The following MYLK3 variants were observed in gnomAD, a reference collection of about 807,000 sequenced individuals.
MYLK3 encodes the protein MLC kinase.
Under a neutral mutation model 76.3 loss-of-function variants are expected in MYLK3, and 55 were observed. That is an observed-to-expected ratio of 0.72 (90% CI 0.58 to 0.90). The LOEUF is 0.90. Ranked by LOEUF, MYLK3 falls within the 40% of genes least tolerant of loss-of-function variation. MYLK3 has a pLI of 0.00. For synonymous variants in MYLK3, 416 were observed against 425.4 expected, an observed-to-expected ratio of 0.98 and a Z score of 0.27; for missense variants, 973 against 1,053.6, an observed-to-expected ratio of 0.92 and a Z score of 1.06.
At chr16:46,713,230 C>G (rs1006794970) in intron 9 of MYLK3, among the ~76,000 whole-genome samples, 5 of 141,112 alleles carry the variant, frequency 3.5e-5, no homozygotes, top group Non-Finnish European at 7.6e-5. Flanking sequence ...CAGGGTCTCA[C>G]TCTGTCACCC....
chr16:46,734,622 C>T (rs572449620), intron 3 of MYLK3, among the ~76,000 whole-genome samples: 18 of 151,734 alleles, frequency 1.2e-4, no homozygotes, highest in African/African-American at 3.6e-4. Context: ...CTCCATCACA[C>T]ACACACACAC....
chr16:46,729,258 T>C, intron 6 of MYLK3, 125 bp from the exon 7 acceptor site: 1 of 744,406 alleles, frequency 1.3e-6, no homozygotes, highest in Non-Finnish European at 2.3e-6. Flanking sequence ...ACACCAGGTC[T>C]CCCTGACTCA....
At chr16:46,716,239 C>T (rs1966735951) in intron 9 of MYLK3, among the ~76,000 whole-genome samples, 1 of 152,048 alleles carries the variant, frequency 6.6e-6, no homozygotes, top group Non-Finnish European at 1.5e-5. Context: ...AATTCTTGCC[C>T]TTGACCAGGT....
rs776175670 is a variant in MYLK3 at position 46,732,292 on chromosome 16, G to T, written c.1378C>A (p.Gln460Lys). The T allele has an allele frequency of 6.2e-7, 1 of 1,609,410 alleles. No individual in the cohort carries two copies. The highest frequency in any genetic ancestry group is 8.5e-7 in the Non-Finnish European group (1 of 1,180,004). ...SPGAGNPEPE[Q>K]DCAARAPVRA... ...ACCGGAGCCCTGGCTGCACAGTCCT[G>T]CTCAGGCTCAGGGTTTCCCGCCCCT... is the stretch of plus-strand genomic sequence containing the variant. Residue 460 changes from glutamine to lysine, a missense_variant, in exon 4 of 13, where the codon CAG becomes AAG. Coordinates refer to ENST00000394809, the MANE Select transcript of MYLK3 (RefSeq NM_182493.3).
At chr16:46,726,628 A>G (rs1966840936) in intron 8 of MYLK3, 4 of 142,968 alleles carry the variant, frequency 2.8e-5, no homozygotes, top group Admixed American at 7.6e-5. Flanking sequence ...AAGAGAAAGA[A>G]AAAGAAAGTG....
rs541334771 is a variant in MYLK3, at chr16:46,730,620, T to A, written c.1541A>T (p.Glu514Val). 3.1e-6 allele frequency: 5 copies of A among 1,613,802 alleles called. No homozygotes were observed. The East Asian group carries it at 6.7e-5, about 22-fold the overall frequency. ...VKETSISAGY[E>V]VCQHEVLGGG... ...TCCCAAGACTTCGTGCTGGCACACC[T>A]CGTAACCCGCAGAGATGGAGGTCTC... Residue 514 changes from glutamate to valine, a missense_variant, in exon 5 of 13, where the codon GAG becomes GTG. By Grantham distance (121) the Glu-to-Val change is moderately radical. Around this residue, in one of 2 missense-constraint regions of MYLK3, gnomAD observed 332 missense variants for 416.6 expected, o/e 0.80. Coordinates refer to ENST00000394809, the MANE Select transcript of MYLK3 (RefSeq NM_182493.3).
chr16:46,756,244 CA>C (rs1270929920), intron 1 of MYLK3, among the ~76,000 whole-genome samples: 2 of 152,188 alleles, frequency 1.3e-5, no homozygotes, highest in African/African-American at 4.8e-5. Flanking sequence ...GATTAAAATA[CA>C]ATCATTGATT....
chr16:46,750,722 G>C (rs1967112397), upstream of MYLK3, among the ~76,000 whole-genome samples: 1 of 152,068 alleles, frequency 6.6e-6, no homozygotes, highest in African/African-American at 2.4e-5. Flanking sequence ...GGTTGTGGTG[G>C]CTCATGCCTG....
intron 4 of MYLK3, 92 bp from the exon 5 acceptor site, chr16:46,730,790 C>T (rs566724859): frequency 2.2e-4 from 228 of 1,059,944 alleles, no homozygotes; most frequent in Non-Finnish European, 3.1e-4. Flanking sequence ...TTCTCTTGGT[C>T]CACCAGGCCC....
chr16:46,749,789 T>C (rs900500544), upstream of MYLK3, among the ~76,000 whole-genome samples: 2 of 152,168 alleles, frequency 1.3e-5, no homozygotes, highest in Non-Finnish European at 2.9e-5. Flanking sequence ...GTTAGACCAT[T>C]AACCTATCAA....
intron 5 of MYLK3, 102 bp downstream of exon 5, chr16:46,730,487 CGAGA>C: frequency 1.1e-6 from 1 of 900,726 alleles, no homozygotes; most frequent in Non-Finnish European, 1.8e-6. Flanking sequence ...TCCATCAGCT[CGAGA>C]GAGAGTCATC....
chr16:46,760,037 A>G (rs976768601), intron 1 of MYLK3, among the ~76,000 whole-genome samples: 1 of 152,242 alleles, frequency 6.6e-6, no homozygotes, highest in African/African-American at 2.4e-5. Flanking sequence ...AGAAGACTCA[A>G]TTATGCTTAA....
intron 8 of MYLK3, among the ~76,000 whole-genome samples, chr16:46,725,413 G>A (rs1966839000): frequency 6.6e-6 from 1 of 152,140 alleles, no homozygotes; most frequent in African/African-American, 2.4e-5. Context: ...TCAGCTGTGG[G>A]TTTTTCACAA....
intron 12 of MYLK3, 107 bp downstream of exon 12, chr16:46,709,432 C>T: frequency 7.6e-7 from 1 of 1,307,366 alleles, no homozygotes; most frequent in Non-Finnish European, 1.0e-6. Context: ...TAAAAACAAA[C>T]CCAAAAAGAA....
chr16:46,742,823 C>T (rs1030800996), intron 1 of MYLK3, among the ~76,000 whole-genome samples: 6 of 152,214 alleles, frequency 3.9e-5, no homozygotes, highest in African/African-American at 1.2e-4. Context: ...GCCCAGATCC[C>T]CTGCTCGGCA....
At chr16:46,709,488 G>C in intron 12 of MYLK3, 51 bp downstream of exon 12, 1 of 1,556,552 alleles carries the variant, frequency 6.4e-7, no homozygotes, top group Non-Finnish European at 8.7e-7. Context: ...TTTTTTCCAA[G>C]GACAGATTAG....
At chr16:46,732,175 G>T (rs1452132555) in intron 4 of MYLK3, 33 bp downstream of exon 4, 3 of 1,525,284 alleles carry the variant, frequency 2.0e-6, no homozygotes, top group Non-Finnish European at 2.6e-6. Flanking sequence ...TCCCCTCAGG[G>T]CTCGTGTCTA....
Position 46,732,655 on chromosome 16 carries a change from T to G in MYLK3, c.1015A>C (p.Ile339Leu), listed in dbSNP as rs558671219. Residue 339 changes from isoleucine to leucine, a missense_variant, in exon 4 of 13, where the codon ATA (isoleucine) becomes CTA (leucine). Transcript: ENST00000394809. ...TCCCCAGGAGTATCCATCTCTTGTA[T>G]GTGGATGGAGATCCTGGGGTGGAGA... Reference protein sequence around the residue: ...GETPPRISIHIQEMDTPGEML... With the variant: ...GETPPRISIHLQEMDTPGEML... The G allele has an allele frequency of 4.8e-5, 73 of 1,521,130 alleles. No individual in the cohort carries two copies. In the East Asian group the frequency reaches 1.5e-3, roughly 32 times the overall value. 94.2% of individuals were successfully genotyped at this position (1,521,130 alleles called of 1,614,324 possible). A position where few individuals can be genotyped will look rare whatever the true frequency, so the allele number is the denominator to read the frequency against.
In MYLK3 at chr16:46,748,136, TC is replaced by T; in HGVS notation, c.57del (p.Thr20ProfsTer3). ...LGHGGLPGLG[K>X]TCLTTMDTKL... ...TTTGTGTCCATGGTTGTTAAGCAGG[TC>T]TTGCCCAACCCTGGCAGCCCCCCAT... On this transcript the variant is annotated frameshift_variant, in exon 1 of 13. Transcript: ENST00000394809. LOFTEE classifies it high-confidence loss of function. The surrounding 1 kb of genome is among the most constrained non-coding windows in gnomAD (Gnocchi z 4.3). 3 of 1,614,242 alleles carry T rather than the reference TC, an allele frequency of 1.9e-6. No individual in the cohort carries two copies. The highest frequency in any genetic ancestry group is 2.5e-6 in the Non-Finnish European group (3 of 1,180,040).
Sources: gnomAD v4.1 joint callset for allele counts (sites outside exome capture counted in the v4.1 genomes callset) on GRCh38, gnomAD v4.1.1 for gene constraint, gnomAD v4.1.1 regional missense constraint, Gnocchi (gnomAD v3.1) non-coding constraint, MANE v1.5 for transcripts, NCBI Gene and HGNC (gene_info 2026-07-23, HGNC 2026-07-21) for gene names.